TMEM232: variants seen among roughly 807,000 people sequenced by gnomAD.
TMEM232 encodes transmembrane protein 232.
Under a neutral mutation model 78.8 loss-of-function variants are expected in TMEM232, and 80 were observed. The ratio of observed to expected loss-of-function variants is 1.01; its 90% confidence interval spans 0.85 to 1.22. TMEM232 has a LOEUF of 1.22. Ranked by LOEUF, TMEM232 falls within the 50% of genes most tolerant of loss-of-function variation. The pLI, the probability that TMEM232 is intolerant of heterozygous loss-of-function variation, is 0.00. For synonymous variants in TMEM232, 297 were observed against 254.3 expected, an observed-to-expected ratio of 1.17 and a Z score of -1.60; for missense variants, 881 against 742.2, an observed-to-expected ratio of 1.19 and a Z score of -2.17.
intron 2 of TMEM232, among the ~76,000 whole-genome samples, chr5:110,643,243 A>C (rs546124901): frequency 6.6e-6 from 1 of 152,142 alleles, no homozygotes; most frequent in East Asian, 1.9e-4. Context: ...GATAGAGAAT[A>C]ATTTTAGTAT....
intron 12 of TMEM232, among the ~76,000 whole-genome samples, chr5:110,468,316 A>AAGTT (rs1263945838): frequency 6.6e-6 from 1 of 151,708 alleles, no homozygotes; most frequent in African/African-American, 2.4e-5. Context: ...TTAACATAAA[A>AAGTT]AGTTTAAAGA....
intron 12 of TMEM232, among the ~76,000 whole-genome samples, chr5:110,454,586 GAGGAAATCAC>G (rs142725239): frequency 0.038 from 5,788 of 151,940 alleles, 371 homozygotes; most frequent in African/African-American, 0.13. Context: ...ATGAGTCAAA[GAGGAAATCAC>G]AGGAAATCAC....
At chr5:110,508,852 T>TTATA (rs1269654655) in intron 12 of TMEM232, among the ~76,000 whole-genome samples, 2 of 139,534 alleles carry the variant, frequency 1.4e-5, no homozygotes, top group Non-Finnish European at 3.0e-5. Context: ...ATATATATAA[T>TTATA]TATATATATA....
intron 11 of TMEM232, among the ~76,000 whole-genome samples, chr5:110,556,723 C>G (rs1775138537): frequency 6.6e-6 from 1 of 152,106 alleles, no homozygotes; most frequent in Non-Finnish European, 1.5e-5. Flanking sequence ...TTTCTTCTGG[C>G]TTGTAGGGTT....
intron 6 of TMEM232, among the ~76,000 whole-genome samples, chr5:110,627,440 T>C (rs768661616): frequency 2.6e-5 from 4 of 151,904 alleles, no homozygotes; most frequent in Non-Finnish European, 5.9e-5. Flanking sequence ...GATATCAGAG[T>C]GCAAAAATTC....
chr5:110,657,085 C>A (rs1389117603), intron 2 of TMEM232, among the ~76,000 whole-genome samples: 1 of 151,910 alleles, frequency 6.6e-6, no homozygotes, highest in African/African-American at 2.4e-5. Flanking sequence ...CCACCTCATC[C>A]CAGCTAGAAT....
downstream of TMEM232, among the ~76,000 whole-genome samples, chr5:110,415,261 C>T (rs1756153646): frequency 6.6e-6 from 1 of 150,940 alleles, no homozygotes; most frequent in Non-Finnish European, 1.5e-5. Context: ...GATCTCGGTT[C>T]ACTGCAAGCT....
At chr5:110,639,985 G>A (rs1179425793) in intron 4 of TMEM232, among the ~76,000 whole-genome samples, 1 of 152,180 alleles carries the variant, frequency 6.6e-6, no homozygotes, top group Non-Finnish European at 1.5e-5. Flanking sequence ...ATGGTCCGGG[G>A]TTTTGAGACC....
chr5:110,620,617 CT>C (rs1186573348), intron 7 of TMEM232, among the ~76,000 whole-genome samples: 8 of 135,088 alleles, frequency 5.9e-5, no homozygotes, highest in African/African-American at 1.6e-4. Context: ...CTCTCTCTCT[CT>C]CTCTCTCTCT....
intron 12 of TMEM232, among the ~76,000 whole-genome samples, chr5:110,515,604 T>C (rs986734801): frequency 6.6e-6 from 1 of 152,188 alleles, no homozygotes; most frequent in African/African-American, 2.4e-5. Context: ...ATCAATGGGA[T>C]AATTCAAAAT....
At chr5:110,697,796 C>A (rs1794972833) in intron 1 of TMEM232, among the ~76,000 whole-genome samples, 1 of 151,940 alleles carries the variant, frequency 6.6e-6, no homozygotes, top group East Asian at 1.9e-4. Flanking sequence ...AGTCAGGAAA[C>A]AACAGGTCCT....
chr5:110,528,456 A>G lies in TMEM232; in HGVS notation c.1703+132T>C, dbSNP rs888431002. On this transcript the variant is annotated intron_variant, in intron 12 of 13. Coordinates refer to ENST00000455884, the MANE Select transcript of TMEM232 (RefSeq NM_001039763.4). ...CTAGCTCAATGATAGATCATCTAAGAGGTGATCAAGCCAAAATTTGAATTG... is the reference window on the plus strand; with the variant it reads ...CTAGCTCAATGATAGATCATCTAAGGGGTGATCAAGCCAAAATTTGAATTG... 3.7e-6 allele frequency: 3 copies of G among 814,984 alleles called. No homozygotes were observed. The South Asian group carries it at 7.7e-5, about 21-fold the overall frequency. The allele number at this position is 814,984 out of a possible 1,614,324, so 50.5% of individuals were successfully genotyped here.
At chr5:110,640,794 T>C in intron 4 of TMEM232, 97 bp downstream of exon 4, 1 of 798,908 alleles carries the variant, frequency 1.3e-6, no homozygotes. Flanking sequence ...ATTTCTTGTC[T>C]TCTGCACAAT....
chr5:110,410,815 T>C (rs185364820), intron 2 of TMEM232, among the ~76,000 whole-genome samples: 1 of 152,252 alleles, frequency 6.6e-6, no homozygotes, highest in East Asian at 1.9e-4. Flanking sequence ...TGGTTTGAGT[T>C]TGCATTGCTT....
chr5:110,474,252 A>C (rs1002571791), intron 12 of TMEM232, among the ~76,000 whole-genome samples: 1 of 151,954 alleles, frequency 6.6e-6, no homozygotes, highest in Non-Finnish European at 1.5e-5. Flanking sequence ...GTACCCCATA[A>C]ATATGTACAA....
chr5:110,451,413 A>G (rs1415045656), intron 12 of TMEM232, among the ~76,000 whole-genome samples: 1 of 152,158 alleles, frequency 6.6e-6, no homozygotes, highest in African/African-American at 2.4e-5. Context: ...ACAGCTCTAA[A>G]ACTTTGATGG....
intron 10 of TMEM232, among the ~76,000 whole-genome samples, chr5:110,602,660 T>G (rs1023523945): frequency 6.6e-6 from 1 of 152,130 alleles, no homozygotes; most frequent in Non-Finnish European, 1.5e-5. Context: ...CTGGAGAGGA[T>G]CTGGAGAAAT....
chr5:110,637,152 T>A (rs1470269867), intron 5 of TMEM232, among the ~76,000 whole-genome samples: 1 of 150,500 alleles, frequency 6.6e-6, no homozygotes. Context: ...TATATATTGT[T>A]TTCATTATAA....
At position 110,625,479 on chromosome 5, in the gene TMEM232, T is replaced by A. The variant is rs550950955; in HGVS notation, c.602-46A>T. 6 of 1,440,872 alleles carry A rather than the reference T, an allele frequency of 4.2e-6. No individual in the cohort carries two copies. The African/African-American group carries it at 5.8e-5, about 14-fold the overall frequency. The allele number at this position is 1,440,872 out of a possible 1,614,324, so 89.3% of individuals were successfully genotyped here. ...TGTGAGAAATAATTTATTAATATTT[T>A]GCACTGTGTTTCATTTGTCTTTTAG... On this transcript the variant is annotated intron_variant, in intron 6 of 13. Coordinates refer to ENST00000455884, the MANE Select transcript of TMEM232 (RefSeq NM_001039763.4).
Sources: allele counts gnomAD v4.1 joint callset (sites outside exome capture counted in the v4.1 genomes callset), GRCh38; gene constraint gnomAD v4.1.1; transcripts MANE v1.5; gene names NCBI Gene and HGNC (gene_info 2026-07-23, HGNC 2026-07-21).